Variants in PTPRN2 observed in about 807,000 individuals in gnomAD.
PTPRN2 encodes the protein receptor-type tyrosine-protein phosphatase N2.
In PTPRN2, 74 loss-of-function variants were observed where a neutral mutation model predicts 118.8. The observed-to-expected ratio is 0.62, with a 90% CI of 0.52 to 0.76. PTPRN2 has a LOEUF of 0.76. Ranked by LOEUF, PTPRN2 falls within the 30% of genes least tolerant of loss-of-function variation. PTPRN2 has a pLI of 0.00. For synonymous variants in PTPRN2, 641 were observed against 608.0 expected (o/e 1.05, Z -0.80); for missense variants, 1,481 against 1,394.4 (o/e 1.06, Z -0.99).
chr7:157,594,669 C>T (rs574158898), intron 17 of PTPRN2, among the ~76,000 whole-genome samples: 7 of 152,238 alleles, frequency 4.6e-5, no homozygotes, highest in African/African-American at 9.6e-5. Context: ...AGCTTTGTCA[C>T]GTGGCTGGTG....
rs1320135700 is a variant in PTPRN2 at position 157,929,400 on chromosome 7, C to T, written c.1724-30663G>A. Among the ~76,000 whole-genome samples the T allele has an allele frequency of 1.3e-5, 2 of 152,056 alleles. No homozygotes were observed. Among genetic ancestry groups the T allele is most frequent in the South Asian group, 2.1e-4 (1 of 4,822 alleles). On this transcript the variant is annotated intron_variant, in intron 11 of 22. Coordinates refer to ENST00000389418, the MANE Select transcript of PTPRN2 (RefSeq NM_002847.5). The surrounding 1 kb of genome is among the most constrained non-coding windows in gnomAD (Gnocchi z 4.4). ...CCTGCAGCACCGGGAGACCCTGGCG[C>T]GACTCCTGAGGGCTTCAGTCCTCGG...
At chr7:157,707,847 C>T (rs1257095069) in intron 12 of PTPRN2, among the ~76,000 whole-genome samples, 1 of 152,222 alleles carries the variant, frequency 6.6e-6, no homozygotes, top group African/African-American at 2.4e-5. Context: ...GCCTTGGCCC[C>T]CAAAGTGCTG....
At chr7:158,386,890 T>G (rs1469226503) in intron 2 of PTPRN2, among the ~76,000 whole-genome samples, 4 of 152,106 alleles carry the variant, frequency 2.6e-5, no homozygotes, top group African/African-American at 9.7e-5. Context: ...TCTGCCACCC[T>G]GGGAGATGAA....
chr7:158,197,188 G>A (rs188588765), intron 4 of PTPRN2, among the ~76,000 whole-genome samples: 1 of 152,210 alleles, frequency 6.6e-6, no homozygotes, highest in Non-Finnish European at 1.5e-5. Context: ...CTTTGCAGGT[G>A]CTGAGTGAGG....
intron 2 of PTPRN2, among the ~76,000 whole-genome samples, chr7:158,433,632 A>C (rs1352577494): frequency 2.0e-5 from 3 of 152,190 alleles, no homozygotes; most frequent in Non-Finnish European, 4.4e-5. Flanking sequence ...GTATATTCAC[A>C]TCTTTTAAAG....
At position 157,953,621 on chromosome 7, in the gene PTPRN2, G is replaced by A. The variant is rs1800974032; in HGVS notation, c.1724-54884C>T. Among the ~76,000 whole-genome samples, 1 of 152,054 alleles carries A rather than the reference G, an allele frequency of 6.6e-6. No homozygotes were observed. The highest frequency in any genetic ancestry group is 2.1e-4 in the South Asian group (1 of 4,812). ...TGACATCCTGACACTGCCCTGCTTG[G>A]ACACTCTCTGGACAGGAGACACCTC... On this transcript the variant is annotated intron_variant, in intron 11 of 22. Transcript: ENST00000389418. This position sits in a 1 kb window ranked among gnomAD's most constrained non-coding sequence, Gnocchi z 4.6.
intron 2 of PTPRN2, among the ~76,000 whole-genome samples, chr7:158,476,032 GAC>G (rs1425340855): frequency 6.6e-6 from 1 of 152,192 alleles, no homozygotes; most frequent in Non-Finnish European, 1.5e-5. Context: ...TTGTTTTTGA[GAC>G]AGAGTCTGGC....
At chr7:158,097,586 G>A (rs937384251) in intron 10 of PTPRN2, among the ~76,000 whole-genome samples, 4 of 152,152 alleles carry the variant, frequency 2.6e-5, no homozygotes, top group Non-Finnish European at 5.9e-5. Flanking sequence ...TCAGGGGCTC[G>A]TGGGAATGTG....
intron 19 of PTPRN2, among the ~76,000 whole-genome samples, chr7:157,572,197 TG>T (rs1022563269): frequency 7.2e-5 from 11 of 152,272 alleles, no homozygotes; most frequent in African/African-American, 2.6e-4. Flanking sequence ...TAAATCCAGG[TG>T]TTTTTTTTTA....
At chr7:158,395,324 GGCGAGGGGCGAGGC>G (rs1563239865) in intron 2 of PTPRN2, among the ~76,000 whole-genome samples, 14 of 124,356 alleles carry the variant, frequency 1.1e-4, no homozygotes, top group Non-Finnish European at 1.5e-4. Flanking sequence ...AGGGGCGAGG[GGCGAGGGGCGAGGC>G]GCGAGGGGCC....
In PTPRN2 at chr7:158,274,456, A is replaced by C. The variant is rs537643679; in HGVS notation, c.277+42363T>G. ...CATGGGAGGAGCCGCAGACACGGGGAGCCGCAGACACAGGAGGAGACACAC... is the reference window on the plus strand; with the variant it reads ...CATGGGAGGAGCCGCAGACACGGGGCGCCGCAGACACAGGAGGAGACACAC... On this transcript the variant is annotated intron_variant, in intron 3 of 22. Coordinates refer to ENST00000389418, the MANE Select transcript of PTPRN2 (RefSeq NM_002847.5). 4.2e-5 allele frequency among the ~76,000 whole-genome samples: 6 copies of C among 142,502 alleles called. No individual in the cohort carries two copies. In the East Asian group the frequency reaches 1.3e-3, roughly 30 times the overall value. The allele number at this position is 142,502 out of a possible 152,430, so 93.5% of individuals were successfully genotyped here.
intron 21 of PTPRN2, among the ~76,000 whole-genome samples, chr7:157,555,597 C>T (rs572930233): frequency 6.6e-6 from 1 of 152,238 alleles, no homozygotes; most frequent in East Asian, 1.9e-4. Flanking sequence ...TGGCTTCCGG[C>T]AGCCTGTTCA....
chr7:158,077,725 G>T (rs988690900), intron 11 of PTPRN2, among the ~76,000 whole-genome samples: 24 of 152,190 alleles, frequency 1.6e-4, no homozygotes, highest in Admixed American at 1.6e-3. Flanking sequence ...ACAGGCCACC[G>T]GGTGAGGGTC....
At chr7:157,749,913 C>T (rs1431324885) in intron 12 of PTPRN2, among the ~76,000 whole-genome samples, 6 of 140,106 alleles carry the variant, frequency 4.3e-5, no homozygotes, top group East Asian at 2.2e-4. Context: ...CTGAGGCCTG[C>T]ATCTCTGAGC....
intron 11 of PTPRN2, among the ~76,000 whole-genome samples, 155 bp downstream of exon 11, chr7:158,081,143 A>C (rs1213270199): frequency 6.6e-6 from 1 of 152,088 alleles, no homozygotes; most frequent in African/African-American, 2.4e-5. Flanking sequence ...CTCACTGCAC[A>C]CCAGATTTCC....
At chr7:158,332,753 C>A (rs1804752122) in intron 2 of PTPRN2, among the ~76,000 whole-genome samples, 1 of 151,320 alleles carries the variant, frequency 6.6e-6, no homozygotes, top group African/African-American at 2.4e-5. Context: ...CTGAGGCCCA[C>A]AGAGGACACT....
rs1304042203 is a variant in PTPRN2, at chr7:157,869,384, G to A, written c.1788+29289C>T. On this transcript the variant is annotated intron_variant, in intron 12 of 22. Transcript: ENST00000389418. This position sits in a 1 kb window ranked among gnomAD's most constrained non-coding sequence, Gnocchi z 4.2. ...TAAAGAAAAAGTTTACATTTTTCCT[G>A]AGTTAGCAGACAAATATAAGGGGAC... Among the ~76,000 whole-genome samples, 1 of 152,196 alleles carries A rather than the reference G, an allele frequency of 6.6e-6. No homozygotes were observed. The highest frequency in any genetic ancestry group is 2.4e-5 in the African/African-American group (1 of 41,452).
chr7:158,572,245 A>G (rs1191033729), intron 1 of PTPRN2, among the ~76,000 whole-genome samples: 5 of 152,232 alleles, frequency 3.3e-5, no homozygotes, highest in African/African-American at 1.2e-4. Context: ...CTCTTCGTTC[A>G]CAGTGAGATA....
At chr7:157,988,443 G>C (rs996745494) in intron 11 of PTPRN2, among the ~76,000 whole-genome samples, 2 of 152,186 alleles carry the variant, frequency 1.3e-5, no homozygotes, top group Admixed American at 6.5e-5. Context: ...CTGCCTGCAC[G>C]TCTTGACATG....
Sources: gnomAD v4.1 joint callset for allele counts (sites outside exome capture counted in the v4.1 genomes callset) on GRCh38, gnomAD v4.1.1 for gene constraint, Gnocchi (gnomAD v3.1) non-coding constraint, MANE v1.5 for transcripts, NCBI Gene and HGNC (gene_info 2026-07-23, HGNC 2026-07-21) for gene names.